Variants in PIWIL4 observed in about 807,000 individuals in gnomAD.
The protein encoded by PIWIL4 is piwi like RNA-mediated gene silencing 4.
PIWIL4 carries 50 observed loss-of-function variants against 100.9 expected under a neutral mutation model. The observed-to-expected ratio is 0.50, with a 90% CI of 0.39 to 0.63. The LOEUF (loss-of-function observed/expected upper bound fraction) is 0.63. PIWIL4 is among the 20% of genes least tolerant of loss of function. PIWIL4 has a pLI of 0.00. For synonymous variants in PIWIL4, 342 were observed against 367.5 expected, an observed-to-expected ratio of 0.93 and a Z score of 0.79; for missense variants, 887 against 1,043.3, an observed-to-expected ratio of 0.85 and a Z score of 2.06.
chr11:94,621,024 A>G lies in PIWIL4; in HGVS notation c.*32A>G. The G allele has an allele frequency of 6.7e-7, 1 of 1,482,846 alleles. No individual in the cohort carries two copies. Among genetic ancestry groups the G allele is most frequent in the Non-Finnish European group, 9.4e-7 (1 of 1,061,344 alleles). 91.9% of individuals were successfully genotyped at this position (1,482,846 alleles called of 1,614,324 possible). ...GAACTACTGGCATCACTAGATGGAC[A>G]ATCCAAGAAGAAATTGGTATACTTT... On this transcript the variant is annotated 3_prime_UTR_variant, in exon 20 of 20. Transcript: ENST00000299001.
chr11:94,593,208 C>A (rs1417763165), intron 8 of PIWIL4, among the ~76,000 whole-genome samples: 1 of 152,164 alleles, frequency 6.6e-6, no homozygotes, highest in Non-Finnish European at 1.5e-5. Flanking sequence ...GGCTCTGAGT[C>A]AGTCCCAGTG....
intron 15 of PIWIL4, among the ~76,000 whole-genome samples, chr11:94,613,372 C>T (rs1948807611): frequency 6.6e-6 from 1 of 152,178 alleles, no homozygotes; most frequent in South Asian, 2.1e-4. Context: ...TCTCTTCTTG[C>T]TGCTTTCAAC....
At chr11:94,567,957 T>C (rs1214897055) in intron 1 of PIWIL4, among the ~76,000 whole-genome samples, 3 of 152,012 alleles carry the variant, frequency 2.0e-5, no homozygotes, top group Non-Finnish European at 4.4e-5. Flanking sequence ...TCTAATGCAG[T>C]TTTTCTGGCT....
intron 8 of PIWIL4, among the ~76,000 whole-genome samples, chr11:94,590,916 C>T (rs1250965452): frequency 6.6e-6 from 1 of 152,172 alleles, no homozygotes; most frequent in Non-Finnish European, 1.5e-5. Context: ...AATCTGATTA[C>T]AAGCATAAGC....
intron 4 of PIWIL4, among the ~76,000 whole-genome samples, chr11:94,583,042 A>ATGTGTGTGTG (rs112392209): frequency 0.011 from 1,559 of 140,380 alleles, 16 homozygotes; most frequent in African/African-American, 0.033. Context: ...GTATATATAT[A>ATGTGTGTGTG]TATGTGTGTG....
At chr11:94,586,943 T>A (rs547375960) in intron 6 of PIWIL4, 107 bp from the exon 7 acceptor site, 233 of 1,124,726 alleles carry the variant, frequency 2.1e-4, no homozygotes, top group Non-Finnish European at 8.0e-5. Flanking sequence ...AAAAATTATC[T>A]TGTTAAGATC....
At chr11:94,593,409 G>A (rs1948513239) in intron 8 of PIWIL4, 109 bp from the exon 9 acceptor site, 1 of 1,140,458 alleles carries the variant, frequency 8.8e-7, no homozygotes, top group Non-Finnish European at 1.2e-6. Context: ...TATGGGATTG[G>A]TTAGATTTAT....
Position 94,567,556 on chromosome 11 carries a change from C to T in PIWIL4, c.38C>T (p.Ala13Val), listed in dbSNP as rs1383181369. ...GCCCGAGTGAAGGCCAGAGGCATCG[C>T]CCGCAGCCCCAGTGCCACAGAAGTG... ...GRARVKARGI[A>V]RSPSATEVGR... Residue 13 changes from alanine to valine, a missense_variant, in exon 1 of 20, where the codon GCC becomes GTC. Ala to Val is a moderately conservative substitution (Grantham distance 64). Around this residue, in one of 2 missense-constraint regions of PIWIL4, gnomAD observed 146 missense variants for 113.4 expected, o/e 1.29. Coordinates refer to ENST00000299001, the MANE Select transcript of PIWIL4 (RefSeq NM_152431.3). 5.6e-6 allele frequency: 9 copies of T among 1,606,556 alleles called. No individual in the cohort carries two copies. The highest frequency in any genetic ancestry group is 7.6e-6 in the Non-Finnish European group (9 of 1,176,876).
chr11:94,593,548 C>A lies in PIWIL4; in HGVS notation c.1057C>A (p.Gln353Lys). Reference protein sequence around the residue: ...QYDITVSDLNQPMLVSLLKKK... With the variant: ...QYDITVSDLNKPMLVSLLKKK... ...TGATATTACTGTATCGGACCTGAAT[C>A]AGCCCATGCTTGTTAGTCTGTTAAA... is the stretch of plus-strand genomic sequence containing the variant. The change falls in exon 9 of 20, where the codon CAG becomes AAG. Residue 353 changes from glutamine to lysine, a missense_variant. Around this residue, in one of 2 missense-constraint regions of PIWIL4, gnomAD observed 741 missense variants for 930.0 expected, o/e 0.80. Transcript: ENST00000299001. The A allele has an allele frequency of 6.2e-7, 1 of 1,613,776 alleles. No individual in the cohort carries two copies. The highest frequency in any genetic ancestry group is 1.1e-5 in the South Asian group (1 of 91,052).
At chr11:94,616,788 GA>G (rs1478771733) in intron 16 of PIWIL4, among the ~76,000 whole-genome samples, 2 of 152,218 alleles carry the variant, frequency 1.3e-5, no homozygotes, top group African/African-American at 4.8e-5. Flanking sequence ...CATGAAGCCA[GA>G]AGGAAGGAAA....
chr11:94,605,482 G>A (rs1948703946), intron 13 of PIWIL4, among the ~76,000 whole-genome samples: 1 of 152,288 alleles, frequency 6.6e-6, no homozygotes, highest in South Asian at 2.1e-4. Context: ...CCACTGTATG[G>A]TGGATTATGG....
chr11:94,582,141 C>A (rs10831244), intron 4 of PIWIL4, among the ~76,000 whole-genome samples: 76,946 of 151,516 alleles, frequency 0.51, 21,530 homozygotes, highest in African/African-American at 0.76. Context: ...GAAGAGTTTG[C>A]TCTTAGGTGG....
At chr11:94,619,626 G>A in intron 17 of PIWIL4, 134 bp from the exon 18 acceptor site, 1 of 1,031,672 alleles carries the variant, frequency 9.7e-7, no homozygotes. Flanking sequence ...GGGATTGTAG[G>A]TAATTTTTAT....
At chr11:94,607,416 T>G in intron 13 of PIWIL4, 23 bp from the exon 14 acceptor site, 1 of 1,595,868 alleles carries the variant, frequency 6.3e-7, no homozygotes. Context: ...ACTTCCAAAA[T>G]CTTTTGCTGT....
In PIWIL4 at chr11:94,583,501, C is replaced by T. The variant is rs1359760404; in HGVS notation, c.567C>T (p.Ile189=). The T allele has an allele frequency of 1.2e-6, 2 of 1,613,730 alleles. No individual in the cohort carries two copies. The highest frequency in any genetic ancestry group is 3.3e-5 in the Admixed American group (2 of 60,002). The change falls in exon 5 of 20, where the codon ATC becomes ATT. Residue 189 remains isoleucine, a synonymous_variant. Coordinates refer to ENST00000299001, the MANE Select transcript of PIWIL4 (RefSeq NM_152431.3). ...GAGGTGAGACTATAAAGATGACTATCACCCTGAAGAGGGAGCTGCCATCAA... is the reference window on the plus strand; with the variant it reads ...GAGGTGAGACTATAAAGATGACTATTACCCTGAAGAGGGAGCTGCCATCAA... ...TQRGETIKMT[I]TLKRELPSSS...
rs769306145 is a variant in PIWIL4, at chr11:94,601,855, GCA to G, written c.1444_1445del (p.Gln482ValfsTer10). On this transcript the variant is annotated frameshift_variant, in exon 12 of 20. Coordinates refer to ENST00000299001, the MANE Select transcript of PIWIL4 (RefSeq NM_152431.3). LOFTEE classifies it high-confidence loss of function. ...KDIRTCKILNAQSLNTWLILC... is the reference protein window; with the variant it reads ...KDIRTCKILNXQSLNTWLILC... ...TATTCGAACTTGCAAGATTTTAAAT[GCA>G]CAGTCTTTGAATACCTGGTTGATTT... 5.6e-6 allele frequency: 9 copies of G among 1,613,958 alleles called. No individual in the cohort carries two copies. Among genetic ancestry groups the G allele is most frequent in the South Asian group, 4.4e-5 (4 of 91,088 alleles).
chr11:94,608,928 G>T (rs1565282242), intron 15 of PIWIL4, among the ~76,000 whole-genome samples: 1 of 152,196 alleles, frequency 6.6e-6, no homozygotes, highest in African/African-American at 2.4e-5. Context: ...TTCCCCAAAT[G>T]ATAGATGTGT....
intron 8 of PIWIL4, among the ~76,000 whole-genome samples, chr11:94,592,871 C>T (rs1439299463): frequency 6.6e-6 from 1 of 152,128 alleles, no homozygotes; most frequent in African/African-American, 2.4e-5. Flanking sequence ...AGACCCCATG[C>T]TAGTGGTTTA....
chr11:94,620,287 A>C lies in PIWIL4; in HGVS notation c.2442+143A>C. 5.1e-6 allele frequency: 5 copies of C among 977,218 alleles called. No homozygotes were observed. The South Asian group carries it at 9.3e-5, about 18-fold the overall frequency. The allele number at this position is 977,218 out of a possible 1,614,324, so 60.5% of individuals were successfully genotyped here. On this transcript the variant is annotated intron_variant, in intron 19 of 19. Coordinates refer to ENST00000299001, the MANE Select transcript of PIWIL4 (RefSeq NM_152431.3). ...AAGGAATGAATGAATGAATGAATCAATGAATGAATCACTTCTTGAGTCCAC... is the reference window on the plus strand; with the variant it reads ...AAGGAATGAATGAATGAATGAATCACTGAATGAATCACTTCTTGAGTCCAC...
Sources: gnomAD v4.1 joint callset for allele counts (sites outside exome capture counted in the v4.1 genomes callset) on GRCh38, gnomAD v4.1.1 for gene constraint, gnomAD v4.1.1 regional missense constraint, MANE v1.5 for transcripts, NCBI Gene and HGNC (gene_info 2026-07-23, HGNC 2026-07-21) for gene names.